Variants in SYK observed in about 807,000 individuals in gnomAD.
SYK encodes the protein spleen associated tyrosine kinase.
A neutral mutation model predicts 77.8 loss-of-function variants in SYK; 16 were observed. The ratio of observed to expected loss-of-function variants is 0.21; its 90% CI spans 0.14 to 0.31. The LOEUF (loss-of-function observed/expected upper bound fraction) is 0.31. SYK is among the 10% of genes least tolerant of loss of function. The probability of loss-of-function intolerance (pLI) is 1.00; values close to 1 mark genes in which losing one functional copy is unlikely to be tolerated. For missense variants in SYK, 529 were observed against 814.4 expected (o/e 0.65, Z 4.26); for synonymous variants, 312 against 308.7 (o/e 1.01, Z -0.11).
At chr9:90,851,224 C>G (rs1170109221) in intron 3 of SYK, among the ~76,000 whole-genome samples, 1 of 152,286 alleles carries the variant, frequency 6.6e-6, no homozygotes, top group East Asian at 1.9e-4. Flanking sequence ...AGGCCCCTCC[C>G]TATTCCCCAT....
chr9:90,848,568 T>G (rs1022091750), intron 3 of SYK, among the ~76,000 whole-genome samples: 1 of 152,248 alleles, frequency 6.6e-6, no homozygotes, highest in Admixed American at 6.5e-5. Context: ...CTGAGCCAGC[T>G]GCTGTTTTTT....
At chr9:90,855,799 T>G (rs1036339589) in intron 3 of SYK, among the ~76,000 whole-genome samples, 2 of 151,856 alleles carry the variant, frequency 1.3e-5, no homozygotes, top group Non-Finnish European at 2.9e-5. Context: ...AGTTTTTAAT[T>G]CACAGGTCTG....
intron 1 of SYK, among the ~76,000 whole-genome samples, chr9:90,803,952 T>C (rs1031595752): frequency 6.6e-6 from 1 of 151,864 alleles, no homozygotes; most frequent in African/African-American, 2.4e-5. Context: ...AAATAAAGAC[T>C]ATAAAGAGCT....
intron 3 of SYK, among the ~76,000 whole-genome samples, chr9:90,848,562 G>A (rs1010749677): frequency 2.6e-5 from 4 of 152,246 alleles, no homozygotes; most frequent in Non-Finnish European, 2.9e-5. Context: ...TCCTCACTGA[G>A]CCAGCTGCTG....
intron 3 of SYK, among the ~76,000 whole-genome samples, chr9:90,855,451 G>GT (rs1826990809): frequency 6.6e-6 from 1 of 152,128 alleles, no homozygotes; most frequent in Admixed American, 6.5e-5. Context: ...CTGGACGAGG[G>GT]CTGTATGGCT....
chr9:90,813,172 T>C (rs1825158782), intron 1 of SYK, among the ~76,000 whole-genome samples: 1 of 152,134 alleles, frequency 6.6e-6, no homozygotes, highest in South Asian at 2.1e-4. Flanking sequence ...GTAAGCAATT[T>C]CGCTCCTGGT....
At chr9:90,818,951 G>A (rs766609655) in intron 1 of SYK, among the ~76,000 whole-genome samples, 1 of 152,198 alleles carries the variant, frequency 6.6e-6, no homozygotes, top group Non-Finnish European at 1.5e-5. Context: ...TTTTTCTCAT[G>A]CTATCAGCTG....
intron 1 of SYK, among the ~76,000 whole-genome samples, chr9:90,836,471 A>G (rs1342807116): frequency 2.0e-5 from 3 of 152,188 alleles, no homozygotes; most frequent in African/African-American, 4.8e-5. Flanking sequence ...AAATAAATAT[A>G]AAGATGCAGT....
At chr9:90,876,570 G>A (rs976922055) in intron 9 of SYK, among the ~76,000 whole-genome samples, 3 of 152,130 alleles carry the variant, frequency 2.0e-5, no homozygotes, top group East Asian at 3.8e-4. Context: ...TTAATCCTAA[G>A]CTTTTTCAGA....
chr9:90,877,658 C>A lies in SYK; in HGVS notation c.1269C>A (p.Val423=). 1 of 1,614,238 alleles carries A rather than the reference C, an allele frequency of 6.2e-7. No individual in the cohort carries two copies. Among genetic ancestry groups the A allele is most frequent in the South Asian group, 1.1e-5 (1 of 91,080 alleles). ...ATGAGTTATTAGCAGAAGCAAATGT[C>A]ATGCAGCAGCTGGACAACCCGTACA... is the stretch of plus-strand genomic sequence containing the variant. ...LKDELLAEAN[V]MQQLDNPYIV... The change falls in exon 10 of 14, where the codon GTC becomes GTA. Residue 423 remains valine (V), a synonymous_variant. Coordinates refer to ENST00000375754, the MANE Select transcript of SYK (RefSeq NM_003177.7).
chr9:90,804,088 C>G (rs1281890862), intron 1 of SYK, among the ~76,000 whole-genome samples: 2 of 151,980 alleles, frequency 1.3e-5, no homozygotes, highest in Non-Finnish European at 2.9e-5. Context: ...GTATTAGACT[C>G]CACTGAACTA....
At chr9:90,849,217 C>T (rs1826722707) in intron 3 of SYK, among the ~76,000 whole-genome samples, 1 of 152,186 alleles carries the variant, frequency 6.6e-6, no homozygotes. Context: ...GGGAGTTGTG[C>T]CTGTACATAT....
intron 1 of SYK, among the ~76,000 whole-genome samples, chr9:90,830,750 T>C (rs1000421813): frequency 1.3e-5 from 2 of 151,986 alleles, no homozygotes; most frequent in Non-Finnish European, 2.9e-5. Context: ...CACGCCTGGC[T>C]AATTTTTTGT....
chr9:90,878,992 T>TA (rs1284656343), intron 11 of SYK, 39 bp downstream of exon 11: 1 of 1,439,622 alleles, frequency 6.9e-7, no homozygotes, highest in Non-Finnish European at 9.6e-7. Context: ...CAGCAGGTGG[T>TA]AAAAAATGCA....
chr9:90,884,896 TGCAC>T (rs1828486851), intron 11 of SYK, among the ~76,000 whole-genome samples: 1 of 30,646 alleles, frequency 3.3e-5, no homozygotes, highest in Non-Finnish European at 6.9e-5. Context: ...TATATACATA[TGCAC>T]ATATGTGTAT....
chr9:90,872,147 AG>A (rs1280341907), intron 7 of SYK, among the ~76,000 whole-genome samples: 1 of 152,206 alleles, frequency 6.6e-6, no homozygotes, highest in African/African-American at 2.4e-5. Context: ...TTCATATGTC[AG>A]GGAATTGCGT....
intron 1 of SYK, among the ~76,000 whole-genome samples, chr9:90,829,559 C>CAG (rs938541286): frequency 1.4e-4 from 21 of 152,338 alleles, no homozygotes; most frequent in African/African-American, 5.1e-4. Flanking sequence ...GGAAATCACG[C>CAG]AGTCCCCAGG....
intron 11 of SYK, among the ~76,000 whole-genome samples, chr9:90,881,679 CA>C (rs10526591): frequency 3.6e-4 from 32 of 89,390 alleles, no homozygotes; most frequent in Non-Finnish European, 3.8e-4. Flanking sequence ...GACTCTGTCT[CA>C]AAAAAAAAAA....
Position 90,819,122 on chromosome 9 carries a change from G to T in SYK, c.-42+17229G>T, listed in dbSNP as rs867297130. ...TGTGTATTGATTTTTACAGTAATTT[G>T]TACTTTCCCATCCAGCTTGTTTGTG... On this transcript the variant is annotated intron_variant, in intron 1 of 13. Transcript: ENST00000375754. 3.3e-5 allele frequency among the ~76,000 whole-genome samples: 5 copies of T among 152,284 alleles called. No homozygotes were observed. In the South Asian group the frequency reaches 6.2e-4, roughly 19 times the overall value.
Sources: gnomAD v4.1 joint callset for allele counts (sites outside exome capture counted in the v4.1 genomes callset) on GRCh38, gnomAD v4.1.1 for gene constraint, MANE v1.5 for transcripts, NCBI Gene and HGNC (gene_info 2026-07-23, HGNC 2026-07-21) for gene names.